Variants in NTF3 observed in about 807,000 individuals in gnomAD.
NTF3 encodes the protein neurotrophin 3.
Under a neutral mutation model 26.3 loss-of-function variants are expected in NTF3, and 8 were observed. That is an observed-to-expected ratio of 0.30 (90% confidence interval 0.18 to 0.55). The LOEUF (loss-of-function observed/expected upper bound fraction) is 0.55. NTF3 is among the 20% of genes least tolerant of loss of function. NTF3 has a pLI of 0.93. For synonymous variants in NTF3, 154 were observed against 145.5 expected, an observed-to-expected ratio of 1.06 and a Z score of -0.42; for missense variants, 276 against 352.9, an observed-to-expected ratio of 0.78 and a Z score of 1.75.
At chr12:5,444,669 CT>C (rs555401830) in intron 1 of NTF3, among the ~76,000 whole-genome samples, 2,088 of 151,786 alleles carry the variant, frequency 0.014, 25 homozygotes, top group Middle Eastern at 0.031. Context: ...TGGGAGCTTA[CT>C]TTTTTTTTCC....
At chr12:5,432,849 G>T (rs1940114412) in intron 1 of NTF3, among the ~76,000 whole-genome samples, 1 of 151,932 alleles carries the variant, frequency 6.6e-6, no homozygotes, top group African/African-American at 2.4e-5. Context: ...ACAAAAGGGG[G>T]TGGCAGACAG....
Position 5,495,149 on chromosome 12 carries a change from T to C in NTF3, c.*161T>C. The C allele has an allele frequency of 1.3e-6, 1 of 786,744 alleles. No individual in the cohort carries two copies. Among genetic ancestry groups the C allele is most frequent in the African/African-American group, 1.7e-5 (1 of 57,294 alleles). The allele number at this position is 786,744 out of a possible 1,614,324, so 48.7% of individuals were successfully genotyped here. On this transcript the variant is annotated 3_prime_UTR_variant, in exon 2 of 2. Transcript: ENST00000423158. ...AGCTTTTTTCTCAATAAAATCAGTG[T>C]GCTTGCCTTCCCTCAGGCCTCTCCC...
At chr12:5,453,158 A>G (rs1940396712) in intron 1 of NTF3, among the ~76,000 whole-genome samples, 1 of 152,258 alleles carries the variant, frequency 6.6e-6, no homozygotes, top group Admixed American at 6.5e-5. Flanking sequence ...GAAGCATTTA[A>G]TACATGGTGT....
intron 1 of NTF3, among the ~76,000 whole-genome samples, chr12:5,434,380 TTTGG>T (rs2121131565): frequency 6.6e-6 from 1 of 151,594 alleles, no homozygotes; most frequent in African/African-American, 2.4e-5. Flanking sequence ...ACTTAGAGGG[TTTGG>T]TTGTGTGTGA....
At position 5,494,532 on chromosome 12, in the gene NTF3, G is replaced by A. The variant is rs1347287032; in HGVS notation, c.357G>A (p.Leu119=). ...GCTACAACTCACCGCGGGTCCTGCT[G>A]AGCGACAGCACCCCCTTGGAGCCCC... ...QRRYNSPRVL[L]SDSTPLEPPP... Residue 119 remains leucine, a synonymous_variant, in exon 2 of 2, where the codon CTG becomes CTA. Transcript: ENST00000423158. This position sits in a 1 kb window ranked among gnomAD's most constrained non-coding sequence, Gnocchi z 8.3. 3.1e-6 allele frequency: 5 copies of A among 1,614,082 alleles called. No homozygotes were observed. The highest frequency in any genetic ancestry group is 4.2e-6 in the Non-Finnish European group (5 of 1,180,032).
intron 1 of NTF3, among the ~76,000 whole-genome samples, chr12:5,480,053 C>A (rs1264637223): frequency 6.6e-6 from 1 of 152,182 alleles, no homozygotes; most frequent in Non-Finnish European, 1.5e-5. Flanking sequence ...CTCCCTTGAT[C>A]AATTCAAAGT....
chr12:5,478,370 G>A (rs1036785954), intron 1 of NTF3, among the ~76,000 whole-genome samples: 1 of 152,202 alleles, frequency 6.6e-6, no homozygotes, highest in African/African-American at 2.4e-5. Flanking sequence ...ATCACCAGGA[G>A]GAATTAAAAT....
At chr12:5,446,257 T>G (rs1435934417) in intron 1 of NTF3, among the ~76,000 whole-genome samples, 1 of 152,206 alleles carries the variant, frequency 6.6e-6, no homozygotes, top group Non-Finnish European at 1.5e-5. Context: ...TATACCAGAC[T>G]TGAGGGCACA....
intron 1 of NTF3, among the ~76,000 whole-genome samples, chr12:5,486,997 A>G (rs1481538708): frequency 6.6e-6 from 1 of 151,948 alleles, no homozygotes; most frequent in East Asian, 1.9e-4. Context: ...AATACCACTA[A>G]ATGCAGGATA....
intron 1 of NTF3, among the ~76,000 whole-genome samples, chr12:5,473,682 C>G (rs987371799): frequency 6.6e-5 from 10 of 152,222 alleles, no homozygotes; most frequent in Admixed American, 2.6e-4. Flanking sequence ...GGGCAAGTCC[C>G]TTACCATCCT....
At chr12:5,430,895 G>A (rs919394416), upstream of NTF3, among the ~76,000 whole-genome samples, 4 of 151,914 alleles carry the variant, frequency 2.6e-5, no homozygotes, top group African/African-American at 7.3e-5. Flanking sequence ...GGCTTGGAGC[G>A]GAGGTCCACC....
intron 1 of NTF3, among the ~76,000 whole-genome samples, chr12:5,449,133 G>A (rs186827046): frequency 1.0e-3 from 159 of 152,298 alleles, no homozygotes; most frequent in Middle Eastern, 6.8e-3. Context: ...ATGGATGATT[G>A]AGGAGAGCCC....
chr12:5,494,728 C>G lies in NTF3; in HGVS notation c.553C>G (p.Gln185Glu), dbSNP rs770592545. Residue 185 changes from glutamine (Q) to glutamate (E), a missense_variant, in exon 2 of 2, where the codon CAG becomes GAG. By Grantham distance (29) the Gln-to-Glu change is conservative. Around this residue, in one of 3 missense-constraint regions of NTF3, gnomAD observed 221 missense variants for 258.2 expected, o/e 0.86. Coordinates refer to ENST00000423158, the MANE Select transcript of NTF3 (RefSeq NM_001102654.2). The surrounding 1 kb of genome is among the most constrained non-coding windows in gnomAD (Gnocchi z 8.3). Reference sequence around the variant, plus strand: ...ATCGGCCATCGACATTCGGGGACACCAGGTCACGGTGCTGGGGGAGATCAA... The same window carrying G: ...ATCGGCCATCGACATTCGGGGACACGAGGTCACGGTGCTGGGGGAGATCAA... ...KSSAIDIRGH[Q>E]VTVLGEIKTG... 3 of 1,614,128 alleles carry G rather than the reference C, an allele frequency of 1.9e-6. No homozygotes were observed. The highest frequency in any genetic ancestry group is 2.2e-5 in the South Asian group (2 of 91,072).
intron 1 of NTF3, among the ~76,000 whole-genome samples, chr12:5,480,727 C>G (rs80070361): frequency 0.12 from 16,498 of 143,322 alleles, 983 homozygotes; most frequent in Middle Eastern, 0.17. Flanking sequence ...TGAGTGCAAA[C>G]GTTTCATGCC....
intron 1 of NTF3, among the ~76,000 whole-genome samples, chr12:5,454,565 C>T (rs1940413612): frequency 6.6e-6 from 1 of 152,236 alleles, no homozygotes; most frequent in Non-Finnish European, 1.5e-5. Context: ...TGTGCTAACA[C>T]ATAGTCAGTT....
intron 1 of NTF3, among the ~76,000 whole-genome samples, chr12:5,435,997 C>T (rs1381179348): frequency 6.6e-6 from 1 of 152,098 alleles, no homozygotes; most frequent in Admixed American, 6.5e-5. Flanking sequence ...GTCTTGGATA[C>T]TCAGATGTGC....
intron 1 of NTF3, among the ~76,000 whole-genome samples, chr12:5,469,611 C>A (rs1940639072): frequency 1.3e-5 from 2 of 152,140 alleles, no homozygotes; most frequent in South Asian, 2.1e-4. Context: ...CTAGAACTAA[C>A]CCTGACCAGC....
intron 1 of NTF3, among the ~76,000 whole-genome samples, chr12:5,480,769 G>A (rs1257730753): frequency 6.6e-6 from 1 of 150,442 alleles, no homozygotes; most frequent in Admixed American, 6.6e-5. Context: ...CGTGTTATCC[G>A]GAAGGGTTAC....
intron 1 of NTF3, among the ~76,000 whole-genome samples, chr12:5,454,031 G>A (rs1940407179): frequency 6.6e-6 from 1 of 152,336 alleles, no homozygotes; most frequent in South Asian, 2.1e-4. Context: ...GTTGGGAAGT[G>A]TATGAGTCTC....
Sources: allele counts gnomAD v4.1 joint callset (sites outside exome capture counted in the v4.1 genomes callset), GRCh38; gene constraint gnomAD v4.1.1; regional missense constraint gnomAD v4.1.1; non-coding constraint Gnocchi (gnomAD v3.1); transcripts MANE v1.5; gene names NCBI Gene and HGNC (gene_info 2026-07-23, HGNC 2026-07-21).